OPLAH: variants seen among roughly 807,000 people sequenced by gnomAD.
The protein encoded by OPLAH is 5-oxoprolinase, ATP-hydrolysing.
Under a neutral mutation model 122.8 loss-of-function variants are expected in OPLAH, and 103 were observed. That is an observed-to-expected ratio of 0.84 (90% CI 0.71 to 0.99). OPLAH has a LOEUF of 0.99. Ranked by LOEUF, OPLAH falls within the 50% of genes least tolerant of loss-of-function variation. The pLI, the probability that OPLAH is intolerant of heterozygous loss-of-function variation, is 0.00. For missense variants in OPLAH, 1,902 were observed against 1,836.5 expected (o/e 1.04, Z -0.65); for synonymous variants, 875 against 796.0 (o/e 1.10, Z -1.67).
chr8:144,054,875 C>G lies in OPLAH; in HGVS notation c.2448G>C (p.Val816=), dbSNP rs1011013055. 2 of 1,611,132 alleles carry G rather than the reference C, an allele frequency of 1.2e-6. No homozygotes were observed. Among genetic ancestry groups the G allele is most frequent in the Non-Finnish European group, 1.7e-6 (2 of 1,179,190 alleles). The change falls in exon 18 of 27, where the codon GTG becomes GTC. Residue 816 remains valine (V), a synonymous_variant. Coordinates refer to ENST00000618853, the MANE Select transcript of OPLAH (RefSeq NM_017570.5). The part of the protein sequence containing the change: ...HLGADLHPGD[V]LLSNHPSAGG... ...CGGCACTGGGATGGTTGCTCAGTAG[C>G]ACGTCGCCAGGGTGGAGATCGGCCC...
Position 144,056,483 on chromosome 8 carries a change from C to A in OPLAH, c.1885G>T (p.Val629Leu), listed in dbSNP as rs1554759135. ...CGCACTCGCACATCGTCCACGACCA[C>A]CGGCCGCTCAGGTATGACAAAGCCA... Reference protein sequence around the residue: ...EFGFVIPERPVVVDDVRVRGT... With the variant: ...EFGFVIPERPLVVDDVRVRGT... Residue 629 changes from valine (V) to leucine (L), a missense_variant, in exon 14 of 27, where the codon GTG becomes TTG. Transcript: ENST00000618853. The A allele has an allele frequency of 1.9e-6, 3 of 1,611,738 alleles. No individual in the cohort carries two copies. The Admixed American group carries it at 5.0e-5, about 27-fold the overall frequency.
Position 144,052,295 on chromosome 8 carries a change from G to C in OPLAH, c.3335C>G (p.Ala1112Gly). 1 of 1,532,268 alleles carries C rather than the reference G, an allele frequency of 6.5e-7. No individual in the cohort carries two copies. The allele number at this position is 1,532,268 out of a possible 1,614,324, so 94.9% of individuals were successfully genotyped here. Residue 1112 changes from alanine to glycine, a missense_variant, in exon 24 of 27, where the codon GCC (alanine) becomes GGC (glycine). By Grantham distance (60) the Ala-to-Gly change is moderately conservative (BLOSUM62 0). Transcript: ENST00000618853. ...GCMNNVTLGNAHMGYYETVAG... is the reference protein window; with the variant it reads ...GCMNNVTLGNGHMGYYETVAG... ...CACCGTCTCGTAGTAGCCCATGTGG[G>C]CGTTGCCCAGGGTCACGTTGTTCAT...
At position 144,057,603 on chromosome 8, in the gene OPLAH, AGGCCTCAG is replaced by A; in HGVS notation, c.1259_1266del (p.Pro420LeufsTer11). On this transcript the variant is annotated frameshift_variant, in exon 10 of 27. Transcript: ENST00000618853. LOFTEE classifies it high-confidence loss of function. ...GCCACAGCCTCCAGGGCTTTGCGGG[AGGCCTCAG>A]GGGAAAGTGGTTGGTTCTCTCCCGG... The A allele has an allele frequency of 6.3e-7, 1 of 1,587,124 alleles. No individual in the cohort carries two copies. Among genetic ancestry groups the A allele is most frequent in the Non-Finnish European group, 8.6e-7 (1 of 1,166,050 alleles).
chr8:144,053,756 A>C (rs797029068), intron 19 of OPLAH, among the ~76,000 whole-genome samples: 5 of 151,640 alleles, frequency 3.3e-5, no homozygotes, highest in African/African-American at 1.2e-4. Context: ...TGGCCACGCC[A>C]CTTCCCCTGG....
rs782096408 is a variant in OPLAH, at chr8:144,056,705, T to C, written c.1757A>G (p.Asp586Gly). ...SFLHLRYQGT[D>G]CALMVSAHQH... The stretch of plus-strand genomic sequence containing the variant: ...GTGGGCAGACACCATCAGAGCACAG[T>C]CCGTGCCCTGGTAGCGCAGGTGCAG... The change falls in exon 13 of 27, where the codon GAC becomes GGC. Residue 586 changes from aspartate to glycine, a missense_variant. Physicochemically the swap from Asp to Gly is moderately conservative, Grantham distance 94 (BLOSUM62 -1). Around this residue, in one of 3 missense-constraint regions of OPLAH, gnomAD observed 1,726 missense variants for 1,642.1 expected, o/e 1.05. Coordinates refer to ENST00000618853, the MANE Select transcript of OPLAH (RefSeq NM_017570.5). 1 of 1,611,462 alleles carries C rather than the reference T, an allele frequency of 6.2e-7. No homozygotes were observed. Among genetic ancestry groups the C allele is most frequent in the Non-Finnish European group, 8.5e-7 (1 of 1,179,442 alleles).
At chr8:144,056,057 GC>G in intron 15 of OPLAH, 89 bp downstream of exon 15, 1 of 1,518,634 alleles carries the variant, frequency 6.6e-7, no homozygotes, top group Non-Finnish European at 8.9e-7. Flanking sequence ...AGTCCTGCAG[GC>G]CCCTGCAGCC....
chr8:144,052,403 T>G, intron 23 of OPLAH, 46 bp downstream of exon 23: 2 of 1,523,016 alleles, frequency 1.3e-6, no homozygotes, highest in Non-Finnish European at 1.8e-6. Context: ...TACTCCAGCC[T>G]GCCCACCCAG....
At chr8:144,051,040 T>C, downstream of OPLAH, 1 of 1,284,694 alleles carries the variant, frequency 7.8e-7, no homozygotes, top group Non-Finnish European at 9.9e-7. Flanking sequence ...CTGGACTACA[T>C]CACGTACCGC....
At position 144,059,653 on chromosome 8, in the gene OPLAH, G is replaced by C; in HGVS notation, c.309C>G (p.Gly103=). The change falls in exon 3 of 27, where the codon GGC becomes GGG. Residue 103 remains glycine (G), a synonymous_variant. Coordinates refer to ENST00000618853, the MANE Select transcript of OPLAH (RefSeq NM_017570.5). The part of the protein sequence containing the change: ...GERVALLVTR[G]FRDLLHIGTQ... ...TGCCAATGTGCAGCAGGTCTCGGAAGCCACGTGTCACCAGCAGCGCCACCC... is the reference window on the plus strand; with the variant it reads ...TGCCAATGTGCAGCAGGTCTCGGAACCCACGTGTCACCAGCAGCGCCACCC... 1 of 1,612,570 alleles carries C rather than the reference G, an allele frequency of 6.2e-7. No homozygotes were observed.
At position 144,052,332 on chromosome 8, in the gene OPLAH, G is replaced by A; in HGVS notation, c.3304-6C>T. The stretch of plus-strand genomic sequence containing the variant: ...GTCACGTTGTTCATGCAGCCCTGGT[G>A]AGGGCACCTGGTCGCTGCGCTGGGC... On this transcript the variant is annotated splice_polypyrimidine_tract_variant and splice_region_variant and intron_variant, in intron 23 of 26. Coordinates refer to ENST00000618853, the MANE Select transcript of OPLAH (RefSeq NM_017570.5). The A allele has an allele frequency of 6.6e-7, 1 of 1,517,820 alleles. No homozygotes were observed. 94.0% of individuals were successfully genotyped at this position (1,517,820 alleles called of 1,614,324 possible).
rs970462135 is a variant in OPLAH at position 144,058,744 on chromosome 8, C to T, written c.587+29G>A. On this transcript the variant is annotated intron_variant, in intron 5 of 26. Transcript: ENST00000618853. ...TCTCCCACCAGGCCCGGCACCTGCT[C>T]CCGCAGCCCACAGCCCCACCTCACT... 5 of 1,582,804 alleles carry T rather than the reference C, an allele frequency of 3.2e-6. No homozygotes were observed. The African/African-American group carries it at 6.7e-5, about 21-fold the overall frequency.
chr8:144,050,591 C>A (rs1835350238), downstream of OPLAH: 2 of 985,578 alleles, frequency 2.0e-6, no homozygotes, highest in Non-Finnish European at 2.4e-6. Flanking sequence ...AGGATCCCTG[C>A]CGGCTGGGCA....
chr8:144,051,573 G>GC (rs1374998555), intron 26 of OPLAH, 101 bp from the exon 27 acceptor site: 1 of 1,196,042 alleles, frequency 8.4e-7, no homozygotes, highest in Non-Finnish European at 1.1e-6. Flanking sequence ...TCCATCACCC[G>GC]CCCCCATGGA....
rs372974283 is a variant in OPLAH at position 144,058,565 on chromosome 8, G to A, written c.714C>T (p.Asp238=). 247 of 1,601,404 alleles carry A rather than the reference G, an allele frequency of 1.5e-4. 2 individuals carry two copies. In the East Asian group the frequency reaches 1.7e-3, roughly 11 times the overall value. The change falls in exon 6 of 27, where the codon GAC becomes GAT. Residue 238 remains aspartate (D), a synonymous_variant. Transcript: ENST00000618853. Reference sequence around the variant, plus strand: ...GCTGGATGGCGGGCGTGAGGTAGGCGTCGGCACAGGCCGTGTGCCCCCGAG... The same window carrying A: ...GCTGGATGGCGGGCGTGAGGTAGGCATCGGCACAGGCCGTGTGCCCCCGAG... The part of the protein sequence containing the change: ...IVPRGHTACA[D]AYLTPAIQRY...
intron 15 of OPLAH, 44 bp downstream of exon 15, chr8:144,056,103 G>A (rs781784110): frequency 2.5e-6 from 4 of 1,574,080 alleles, no homozygotes; most frequent in African/African-American, 1.3e-5. Context: ...GGGCCCCGCA[G>A]TGGACCCGTC....
At position 144,056,998 on chromosome 8, in the gene OPLAH, G is replaced by A; in HGVS notation, c.1656C>T (p.Ser552=). The change falls in exon 12 of 27, where the codon AGC becomes AGT. Residue 552 remains serine, a synonymous_variant. Transcript: ENST00000618853. ...ETFVQLDQRL[S]RLEEQCVDAL... is the part of the protein sequence containing the mutation. ...CATCCACACACTGCTCCTCCAGGCG[G>A]CTCAGCCTCTGGTCCAGCTGCACGA... 1 of 1,590,344 alleles carries A rather than the reference G, an allele frequency of 6.3e-7. No homozygotes were observed. Among genetic ancestry groups the A allele is most frequent in the Non-Finnish European group, 8.5e-7 (1 of 1,170,112 alleles).
rs1343280988 is a variant in OPLAH at position 144,053,269 on chromosome 8, C to A, written c.2811G>T (p.Val937=). The part of the protein sequence containing the change: ...VAANQKGIQL[V]GELIGQYGLD... Reference sequence around the variant, plus strand: ...GGCCGTACTGCCCAATGAGCTCCCCCACCAGCTGGATGCCCTTCTGGTTGG... The same window carrying A: ...GGCCGTACTGCCCAATGAGCTCCCCAACCAGCTGGATGCCCTTCTGGTTGG... Residue 937 remains valine (V), a synonymous_variant, in exon 20 of 27, where the codon GTG becomes GTT. Transcript: ENST00000618853. 1 of 1,613,070 alleles carries A rather than the reference C, an allele frequency of 6.2e-7. No individual in the cohort carries two copies.
upstream of OPLAH, among the ~76,000 whole-genome samples, chr8:144,061,117 G>A (rs782604440): frequency 1.1e-4 from 16 of 152,248 alleles, no homozygotes; most frequent in African/African-American, 3.4e-4. Context: ...CGGTATCTCT[G>A]GCCTTCTTCA....
At chr8:144,058,433 G>T in intron 6 of OPLAH, 29 bp from the exon 7 acceptor site, 2 of 1,585,098 alleles carry the variant, frequency 1.3e-6, no homozygotes, top group Non-Finnish European at 1.7e-6. Context: ...CGGGCCATGA[G>T]GGGCAGGCCA....
Sources: gnomAD v4.1 joint callset for allele counts (sites outside exome capture counted in the v4.1 genomes callset) on GRCh38, gnomAD v4.1.1 for gene constraint, gnomAD v4.1.1 regional missense constraint, MANE v1.5 for transcripts, NCBI Gene and HGNC (gene_info 2026-07-23, HGNC 2026-07-21) for gene names.